The following ACAT1 variants were observed in gnomAD, a reference collection of about 807,000 sequenced individuals.
ACAT1 encodes the protein acetyl-CoA acetyltransferase, mitochondrial.
A neutral mutation model predicts 47.3 loss-of-function variants in ACAT1; 28 were observed. The observed-to-expected ratio is 0.59, with a 90% CI of 0.44 to 0.81. The LOEUF (loss-of-function observed/expected upper bound fraction) is 0.81. ACAT1 is among the 30% of genes least tolerant of loss of function. ACAT1 has a pLI of 0.00. For synonymous variants in ACAT1, 181 were observed against 173.6 expected, an observed-to-expected ratio of 1.04 and a Z score of -0.34; for missense variants, 469 against 524.3, an observed-to-expected ratio of 0.89 and a Z score of 1.03.
At chr11:108,139,105 C>G (rs759906960) in intron 6 of ACAT1, 64 bp downstream of exon 6, 1 of 1,588,812 alleles carries the variant, frequency 6.3e-7, no homozygotes, top group Admixed American at 1.7e-5. Flanking sequence ...TTTTCTTACT[C>G]TATGTACTTT....
At chr11:108,121,137 A>T (rs1049209700), upstream of ACAT1, among the ~76,000 whole-genome samples, 1 of 151,638 alleles carries the variant, frequency 6.6e-6, no homozygotes, top group Non-Finnish European at 1.5e-5. Flanking sequence ...GATGGTCGAG[A>T]TTACAGTGAG....
intron 9 of ACAT1, 124 bp downstream of exon 9, chr11:108,142,674 A>G: frequency 1.3e-6 from 1 of 748,982 alleles, no homozygotes; most frequent in Non-Finnish European, 2.3e-6. Context: ...TCGTCTCTAC[A>G]AAAAGTTAAA....
chr11:108,126,611 T>C (rs2077251283), intron 1 of ACAT1, among the ~76,000 whole-genome samples: 1 of 152,090 alleles, frequency 6.6e-6, no homozygotes, highest in African/African-American at 2.4e-5. Flanking sequence ...AGGCCATTAA[T>C]AGGAACAAGA....
chr11:108,134,113 A>C lies in ACAT1; in HGVS notation c.239-108A>C. 1.7e-6 allele frequency: 2 copies of C among 1,208,948 alleles called. 1 individual carries two copies. The allele number at this position is 1,208,948 out of a possible 1,614,324, so 74.9% of individuals were successfully genotyped here. A position where few individuals can be genotyped will look rare whatever the true frequency, so the allele number is the denominator to read the frequency against. ...GTTTAGATTGAAACTCAAAACTGAC[A>C]AAAAAAAGAAACCATTCCTATTGTG... On this transcript the variant is annotated intron_variant, in intron 3 of 11. Transcript: ENST00000265838.
At chr11:108,141,340 A>G (rs1487569903) in intron 7 of ACAT1, among the ~76,000 whole-genome samples, 1 of 143,798 alleles carries the variant, frequency 7.0e-6, no homozygotes, top group Non-Finnish European at 1.5e-5. Context: ...TGATCATGCC[A>G]GCCTAAGCAG....
At chr11:108,119,643 C>T (rs201638144), upstream of ACAT1, among the ~76,000 whole-genome samples, 18 of 3,148 alleles carry the variant, frequency 5.7e-3, no homozygotes, top group African/African-American at 7.4e-3. Context: ...ATATCTGTTT[C>T]TCTCTCTCTC....
At chr11:108,141,395 A>AAAAAT (rs2077582642) in intron 7 of ACAT1, among the ~76,000 whole-genome samples, 3 of 148,924 alleles carry the variant, frequency 2.0e-5, no homozygotes, top group African/African-American at 4.9e-5. Flanking sequence ...AAAAAAAAAA[A>AAAAAT]TTGTGAAGCT....
intron 1 of ACAT1, among the ~76,000 whole-genome samples, chr11:108,129,584 G>A (rs1375966294): frequency 6.6e-6 from 1 of 152,062 alleles, no homozygotes; most frequent in Non-Finnish European, 1.5e-5. Flanking sequence ...GGCCAGGCTG[G>A]TCTTGAACTC....
intron 1 of ACAT1, among the ~76,000 whole-genome samples, chr11:108,126,254 C>T (rs2077245538): frequency 1.3e-5 from 2 of 152,146 alleles, no homozygotes; most frequent in African/African-American, 4.8e-5. Flanking sequence ...CCACCTGCCT[C>T]GGCCTCCCAA....
At chr11:108,121,377 C>T, upstream of ACAT1, 1 of 594,246 alleles carries the variant, frequency 1.7e-6, no homozygotes, top group Non-Finnish European at 3.0e-6. Context: ...ACCCCAGCGC[C>T]AGTGTCTCCA....
intron 1 of ACAT1, among the ~76,000 whole-genome samples, chr11:108,122,409 T>C (rs2077169712): frequency 6.6e-6 from 1 of 152,228 alleles, no homozygotes; most frequent in Non-Finnish European, 1.5e-5. Flanking sequence ...GTAGAGACCT[T>C]CAGGGTGTGG....
At chr11:108,147,124 A>G (rs1389632035) in intron 11 of ACAT1, 146 bp from the exon 12 acceptor site, 2 of 945,578 alleles carry the variant, frequency 2.1e-6, no homozygotes, top group Non-Finnish European at 3.2e-6. Context: ...CAAGTCCTCC[A>G]AGTTTTAGTT....
At chr11:108,121,781 C>A in intron 1 of ACAT1, 103 bp downstream of exon 1, 2 of 1,344,448 alleles carry the variant, frequency 1.5e-6, no homozygotes, top group Non-Finnish European at 2.1e-6. Context: ...GGCCCGGGCG[C>A]GCGGCTTAGG....
At chr11:108,129,117 ATGAG>A (rs2077306586) in intron 1 of ACAT1, 1 of 152,018 alleles carries the variant, frequency 6.6e-6, no homozygotes, top group South Asian at 2.1e-4. Flanking sequence ...GCTCCCACTT[ATGAG>A]TGAGAACATA....
intron 1 of ACAT1, chr11:108,128,993 T>G (rs1037592195): frequency 1.3e-5 from 2 of 152,226 alleles, no homozygotes; most frequent in Non-Finnish European, 2.9e-5. Context: ...ACCTGAGCAG[T>G]ATACACTGTA....
rs568534613 is a variant in ACAT1, at chr11:108,134,203, T to C, written c.239-18T>C. Reference sequence around the variant, plus strand: ...ATTGAATTAAATGCCTTTTTGACTTTTTTTTTTTTTAATAAAGGGATTCCA... The same window carrying C: ...ATTGAATTAAATGCCTTTTTGACTTCTTTTTTTTTTAATAAAGGGATTCCA... On this transcript the variant is annotated intron_variant, in intron 3 of 11. Coordinates refer to ENST00000265838, the MANE Select transcript of ACAT1 (RefSeq NM_000019.4). 6.3e-7 allele frequency: 1 copy of C among 1,576,446 alleles called. No individual in the cohort carries two copies. The highest frequency in any genetic ancestry group is 1.4e-5 in the African/African-American group (1 of 73,948).
Position 108,147,341 on chromosome 11 carries a change from T to G in ACAT1, c.1235T>G (p.Ile412Ser). 6.2e-7 allele frequency: 1 copy of G among 1,613,976 alleles called. No homozygotes were observed. The highest frequency in any genetic ancestry group is 8.5e-7 in the Non-Finnish European group (1 of 1,179,932). ...LKQGEYGLAS[I>S]CNGGGGASAM... ...CAAGGAGAATACGGTCTTGCCAGTA[T>G]TTGCAATGGAGGAGGAGGTGCTTCT... is the stretch of plus-strand genomic sequence containing the variant. The change falls in exon 12 of 12, where the codon ATT (isoleucine) becomes AGT (serine). Residue 412 changes from isoleucine (I) to serine (S), a missense_variant. Transcript: ENST00000265838.
intron 1 of ACAT1, chr11:108,128,869 A>G (rs1450538613): frequency 6.6e-6 from 1 of 152,224 alleles, no homozygotes; most frequent in Non-Finnish European, 1.5e-5. Flanking sequence ...AGCTAAGTAG[A>G]AAGGGGACTT....
intron 8 of ACAT1, among the ~76,000 whole-genome samples, chr11:108,141,997 T>C (rs1591370666): frequency 6.6e-6 from 1 of 152,226 alleles, no homozygotes; most frequent in Non-Finnish European, 1.5e-5. Flanking sequence ...TATACCATAA[T>C]AACATTCTTC....
Sources: gnomAD v4.1 joint callset for allele counts (sites outside exome capture counted in the v4.1 genomes callset) on GRCh38, gnomAD v4.1.1 for gene constraint, MANE v1.5 for transcripts, NCBI Gene and HGNC (gene_info 2026-07-23, HGNC 2026-07-21) for gene names.